CCT5: variants seen among roughly 807,000 people sequenced by gnomAD.
The protein encoded by CCT5 is T-complex protein 1 subunit epsilon.
CCT5 carries 6 observed loss-of-function variants against 55.0 expected under a neutral mutation model. The ratio of observed to expected loss-of-function variants is 0.11; its 90% CI spans 0.06 to 0.22. CCT5 has a LOEUF of 0.22. CCT5 is among the 10% of genes least tolerant of loss of function. The pLI is 1.00. For synonymous variants in CCT5, 231 were observed against 243.7 expected (o/e 0.95, Z 0.49); for missense variants, 560 against 694.6 (o/e 0.81, Z 2.18).
At chr5:10,251,656 G>C (rs1375469168) in intron 1 of CCT5, among the ~76,000 whole-genome samples, 1 of 152,140 alleles carries the variant, frequency 6.6e-6, no homozygotes, top group Non-Finnish European at 1.5e-5. Context: ...ATAGGCCTCC[G>C]TCAAGCTGAA....
Position 10,258,295 on chromosome 5 carries a change from A to C in CCT5, c.715A>C (p.Met239Leu). The C allele has an allele frequency of 6.2e-7, 1 of 1,614,244 alleles. No individual in the cohort carries two copies. Among genetic ancestry groups the C allele is most frequent in the Non-Finnish European group, 8.5e-7 (1 of 1,180,042 alleles). The part of the protein sequence containing the change: ...IVDKDFSHPQ[M>L]PKKVEDAKIA... ...GGACAAGGATTTCAGTCACCCACAG[A>C]TGCCAAAAGTGAGCCATTGCATCTC... The change falls in exon 5 of 11, where the codon ATG becomes CTG. Residue 239 changes from methionine (M) to leucine (L), a missense_variant. By Grantham distance (15) the Met-to-Leu change is conservative (BLOSUM62 2). Coordinates refer to ENST00000280326, the MANE Select transcript of CCT5 (RefSeq NM_012073.5).
rs1386038293 is a variant in CCT5, at chr5:10,258,292, C to G, written c.712C>G (p.Gln238Glu). Residue 238 changes from glutamine to glutamate, a missense_variant, in exon 5 of 11, where the codon CAG (glutamine) becomes GAG (glutamate). Physicochemically the swap from Gln to Glu is conservative, Grantham distance 29 (BLOSUM62 2). Around this residue, in one of 4 missense-constraint regions of CCT5, gnomAD observed 256 missense variants for 372.4 expected, o/e 0.69. Transcript: ENST00000280326. ...VIVDKDFSHP[Q>E]MPKKVEDAKI... ...TGTGGACAAGGATTTCAGTCACCCACAGATGCCAAAAGTGAGCCATTGCAT... is the reference window on the plus strand; with the variant it reads ...TGTGGACAAGGATTTCAGTCACCCAGAGATGCCAAAAGTGAGCCATTGCAT... 4 of 1,614,110 alleles carry G rather than the reference C, an allele frequency of 2.5e-6. No individual in the cohort carries two copies. Among genetic ancestry groups the G allele is most frequent in the Non-Finnish European group, 3.4e-6 (4 of 1,180,042 alleles).
At position 10,261,105 on chromosome 5, in the gene CCT5, C is replaced by G. The variant is rs1355137472; in HGVS notation, c.993+194C>G. 4.4e-6 allele frequency: 3 copies of G among 676,662 alleles called. No homozygotes were observed. In the African/African-American group the frequency reaches 5.3e-5, roughly 12 times the overall value. The allele number at this position is 676,662 out of a possible 1,614,324, so 41.9% of individuals were successfully genotyped here. A position where few individuals can be genotyped will look rare whatever the true frequency, so the allele number is the denominator to read the frequency against. ...AACAGTGCTGTGTGTTTCTGGTGTT[C>G]CCTGGCATTTTGAAATTCTCTCCCT... On this transcript the variant is annotated intron_variant, in intron 7 of 10. Coordinates refer to ENST00000280326, the MANE Select transcript of CCT5 (RefSeq NM_012073.5).
chr5:10,258,690 A>C (rs899206775), intron 6 of CCT5, among the ~76,000 whole-genome samples, 155 bp downstream of exon 6: 1 of 152,234 alleles, frequency 6.6e-6, no homozygotes, highest in South Asian at 2.1e-4. Context: ...GAAGAATTCT[A>C]ATTTTGTCTT....
intron 4 of CCT5, 63 bp downstream of exon 4, chr5:10,256,216 T>TA: frequency 7.4e-7 from 1 of 1,358,854 alleles, no homozygotes. Flanking sequence ...TGCCATTTCT[T>TA]AAAGGCAACA....
At chr5:10,257,999 A>G in intron 4 of CCT5, 112 bp from the exon 5 acceptor site, 2 of 1,128,656 alleles carry the variant, frequency 1.8e-6, no homozygotes, top group South Asian at 2.7e-5. Context: ...CCCCTCTAGA[A>G]GACTCAAAAC....
intron 4 of CCT5, among the ~76,000 whole-genome samples, chr5:10,256,872 T>A (rs2126504637): frequency 6.6e-6 from 1 of 152,300 alleles, no homozygotes; most frequent in East Asian, 1.9e-4. Flanking sequence ...GTCTCTGGTG[T>A]TTTCAGCGTT....
At position 10,258,610 on chromosome 5, in the gene CCT5, T is replaced by C. The variant is rs1300811296; in HGVS notation, c.873+75T>C. 5.3e-6 allele frequency: 7 copies of C among 1,329,168 alleles called. No individual in the cohort carries two copies. The Admixed American group carries it at 8.4e-5, about 16-fold the overall frequency. The allele number at this position is 1,329,168 out of a possible 1,614,324, so 82.3% of individuals were successfully genotyped here. A position where few individuals can be genotyped will look rare whatever the true frequency, so the allele number is the denominator to read the frequency against. On this transcript the variant is annotated intron_variant, in intron 6 of 10. Transcript: ENST00000280326. Reference sequence around the variant, plus strand: ...GTTAGTTAGGTTTGGTTAGTAAATATGTGTAGTCTTTCTTCAGTTCTAAAA... The same window carrying C: ...GTTAGTTAGGTTTGGTTAGTAAATACGTGTAGTCTTTCTTCAGTTCTAAAA...
At chr5:10,264,597 G>C in intron 10 of CCT5, 59 bp from the exon 11 acceptor site, 1 of 1,105,790 alleles carries the variant, frequency 9.0e-7, no homozygotes, top group East Asian at 2.4e-5. Context: ...AGAAAGAGTT[G>C]GTTATTGATA....
Position 10,263,214 on chromosome 5 carries a change from T to G in CCT5, c.1398T>G (p.Ser466Arg). ...TCCCCATGGCCCTCTCTGAAAACAG[T>G]GGCATGAATCCCATCCAGACTATGA... ...EVIPMALSEN[S>R]GMNPIQTMTE... Residue 466 changes from serine to arginine, a missense_variant, in exon 10 of 11, where the codon AGT becomes AGG. Around this residue, in one of 4 missense-constraint regions of CCT5, gnomAD observed 115 missense variants for 105.0 expected, o/e 1.10. Coordinates refer to ENST00000280326, the MANE Select transcript of CCT5 (RefSeq NM_012073.5). 1 of 1,614,132 alleles carries G rather than the reference T, an allele frequency of 6.2e-7. No individual in the cohort carries two copies. The highest frequency in any genetic ancestry group is 8.5e-7 in the Non-Finnish European group (1 of 1,179,988).
chr5:10,254,868 T>G (rs761240435), intron 3 of CCT5, 30 bp downstream of exon 3: 11 of 1,591,104 alleles, frequency 6.9e-6, no homozygotes, highest in Non-Finnish European at 9.5e-6. Context: ...CCTTTCTCAT[T>G]TAAGAGACGT....
At chr5:10,262,216 C>A in intron 8 of CCT5, 1 of 474,520 alleles carries the variant, frequency 2.1e-6, no homozygotes, top group Non-Finnish European at 3.9e-6. Context: ...GTTTTTAGCA[C>A]ATTGTGATAA....
At chr5:10,250,884 A>C in intron 1 of CCT5, 2 of 1,038,466 alleles carry the variant, frequency 1.9e-6, no homozygotes, top group South Asian at 3.3e-5. Context: ...TTTCTTTGTC[A>C]CTCGTAAAGG....
At chr5:10,261,878 A>G (rs759362220) in intron 8 of CCT5, 133 bp downstream of exon 8, 9 of 782,240 alleles carry the variant, frequency 1.2e-5, no homozygotes, top group Admixed American at 9.8e-5. Context: ...ATGACGTATC[A>G]TGGTGTAAAA....
At chr5:10,253,009 G>A (rs903238854) in intron 1 of CCT5, among the ~76,000 whole-genome samples, 3 of 151,748 alleles carry the variant, frequency 2.0e-5, no homozygotes, top group African/African-American at 7.3e-5. Flanking sequence ...TTATCACTTT[G>A]ACAGCTACTT....
chr5:10,250,545 C>T, intron 1 of CCT5, 100 bp downstream of exon 1: 1 of 1,547,056 alleles, frequency 6.5e-7, no homozygotes, highest in South Asian at 1.2e-5. Flanking sequence ...CCATGTGCTC[C>T]CCGGAAAGGT....
chr5:10,254,406 T>TTTTTTG, intron 2 of CCT5: 1 of 608,390 alleles, frequency 1.6e-6, no homozygotes, highest in East Asian at 2.8e-5. Context: ...TTTTTTTTTT[T>TTTTTTG]TTTAGCATGT....
intron 1 of CCT5, among the ~76,000 whole-genome samples, chr5:10,252,631 A>AC (rs1050824760): frequency 6.6e-6 from 1 of 150,444 alleles, no homozygotes; most frequent in Non-Finnish European, 1.5e-5. Flanking sequence ...AAAAAAAAAA[A>AC]GGTGCAGGCA....
chr5:10,251,095 G>C (rs1745378359), intron 1 of CCT5, among the ~76,000 whole-genome samples: 1 of 152,208 alleles, frequency 6.6e-6, no homozygotes, highest in Non-Finnish European at 1.5e-5. Flanking sequence ...ATTCTAGGGA[G>C]AGGAAACGGT....
Sources: gnomAD v4.1 joint callset for allele counts (sites outside exome capture counted in the v4.1 genomes callset) on GRCh38, gnomAD v4.1.1 for gene constraint, gnomAD v4.1.1 regional missense constraint, MANE v1.5 for transcripts, NCBI Gene and HGNC (gene_info 2026-07-23, HGNC 2026-07-21) for gene names.